Variants in FBXL17 observed in about 807,000 individuals in gnomAD.
FBXL17 encodes the protein F-box/LRR-repeat protein 17.
FBXL17 carries 22 observed loss-of-function variants against 66.2 expected under a neutral mutation model. That is an observed-to-expected ratio of 0.33 (90% confidence interval 0.24 to 0.47). FBXL17 has a LOEUF of 0.47. Ranked by LOEUF, FBXL17 falls within the 20% of genes least tolerant of loss-of-function variation. The pLI, the probability that FBXL17 is intolerant of heterozygous loss-of-function variation, is 1.00. For synonymous variants in FBXL17, 474 were observed against 400.5 expected (o/e 1.18, Z -2.19); for missense variants, 878 against 948.2 (o/e 0.93, Z 0.97).
chr5:107,944,688 C>T, intron 7 of FBXL17, among the ~76,000 whole-genome samples: 1 of 152,136 alleles, frequency 6.6e-6, no homozygotes. Context: ...GAGACTGCCA[C>T]ATGTTCTGGA....
intron 7 of FBXL17, among the ~76,000 whole-genome samples, chr5:107,906,761 G>T (rs1476650856): frequency 6.6e-6 from 1 of 152,136 alleles, no homozygotes; most frequent in East Asian, 1.9e-4. Context: ...GTAAACTAAA[G>T]TAACCAAAGA....
intron 7 of FBXL17, among the ~76,000 whole-genome samples, chr5:107,939,159 T>C (rs761786287): frequency 1.3e-5 from 2 of 152,182 alleles, no homozygotes; most frequent in African/African-American, 2.4e-5. Flanking sequence ...ACTGAATACA[T>C]ATGATGTGCC....
intron 7 of FBXL17, among the ~76,000 whole-genome samples, chr5:107,882,572 C>T (rs1194527994): frequency 6.6e-6 from 1 of 152,028 alleles, no homozygotes; most frequent in African/African-American, 2.4e-5. Context: ...TTAAAGTTTT[C>T]CAAGGGGTTT....
chr5:108,339,417 T>C (rs967322654), intron 4 of FBXL17, among the ~76,000 whole-genome samples: 5 of 152,126 alleles, frequency 3.3e-5, no homozygotes, highest in African/African-American at 1.2e-4. Flanking sequence ...GCCTAATGAC[T>C]CAAGTCTTTA....
intron 4 of FBXL17, among the ~76,000 whole-genome samples, chr5:108,325,888 A>C (rs1339495127): frequency 6.6e-6 from 1 of 152,208 alleles, no homozygotes; most frequent in Non-Finnish European, 1.5e-5. Flanking sequence ...AGCAATAGCT[A>C]ACATTTTCTA....
rs1333923091 is a variant in FBXL17 at position 107,930,991 on chromosome 5, CAT to C, written c.1823-49814_1823-49813del. 9.7e-5 allele frequency among the ~76,000 whole-genome samples: 3 copies of C among 30,804 alleles called. No homozygotes were observed. The East Asian group carries it at 1.1e-3, about 12-fold the overall frequency. 20.2% of individuals were successfully genotyped at this position (30,804 alleles called of 152,430 possible). A position where few individuals can be genotyped will look rare whatever the true frequency, so the allele number is the denominator to read the frequency against. ...GTACTGGATAAAAAGTAAATAAAGA[CAT>C]TTTTTTCCCTGGGGCTATGTATACA... On this transcript the variant is annotated intron_variant, in intron 7 of 8. Coordinates refer to ENST00000542267, the MANE Select transcript of FBXL17 (RefSeq NM_001163315.3).
At chr5:108,091,764 T>C (rs1749195775) in intron 6 of FBXL17, among the ~76,000 whole-genome samples, 2 of 152,344 alleles carry the variant, frequency 1.3e-5, no homozygotes, top group African/African-American at 2.4e-5. Context: ...AAGTGAATTT[T>C]TAACTTAATT....
At chr5:107,985,571 T>C (rs574595850) in intron 7 of FBXL17, among the ~76,000 whole-genome samples, 2 of 152,296 alleles carry the variant, frequency 1.3e-5, no homozygotes, top group South Asian at 4.1e-4. Context: ...GTTTACTTCA[T>C]TTTTTTCTAC....
intron 4 of FBXL17, among the ~76,000 whole-genome samples, chr5:108,269,295 G>A (rs555441131): frequency 6.6e-6 from 1 of 152,088 alleles, no homozygotes; most frequent in Admixed American, 6.5e-5. Flanking sequence ...CGTATTTTGA[G>A]GTGGCATGCT....
intron 4 of FBXL17, among the ~76,000 whole-genome samples, chr5:108,262,079 T>C (rs1200342744): frequency 8.4e-6 from 1 of 119,080 alleles, no homozygotes; most frequent in Admixed American, 8.5e-5. Flanking sequence ...TATTTATTTA[T>C]TTATTTATTT....
intron 6 of FBXL17, among the ~76,000 whole-genome samples, chr5:108,152,802 T>C (rs1355242293): frequency 6.6e-6 from 1 of 152,148 alleles, no homozygotes; most frequent in African/African-American, 2.4e-5. Flanking sequence ...AATGCAAACA[T>C]TGCATGAGAT....
intron 4 of FBXL17, among the ~76,000 whole-genome samples, chr5:108,225,464 A>G (rs1046117042): frequency 1.3e-5 from 2 of 152,196 alleles, no homozygotes; most frequent in Admixed American, 6.5e-5. Flanking sequence ...CCAATTCAAT[A>G]TAACTGGCGG....
intron 6 of FBXL17, 54 bp from the exon 7 acceptor site, chr5:108,021,055 G>A (rs1754579850): frequency 2.3e-6 from 3 of 1,288,426 alleles, no homozygotes; most frequent in African/African-American, 1.5e-5. Context: ...AATTAGCAGG[G>A]GTTTGAATAT....
chr5:108,059,071 G>A lies in FBXL17; in HGVS notation c.1746-38070C>T, dbSNP rs565988326. Among the ~76,000 whole-genome samples the A allele has an allele frequency of 1.6e-3, 241 of 152,218 alleles. 1 individual carries two copies. The highest frequency in any genetic ancestry group is 5.4e-3 in the African/African-American group (225 of 41,534). On this transcript the variant is annotated intron_variant, in intron 6 of 8. Transcript: ENST00000542267. ...CTCTGAGCAGTATTGCGGAACAAAG[G>A]CTCGTTTCACTTGGTATTTACTGTT...
chr5:107,875,093 TTCTC>T lies in FBXL17; in HGVS notation c.1965+5940_1965+5943del, dbSNP rs371602965. Among the ~76,000 whole-genome samples, 286 of 150,338 alleles carry T rather than the reference TTCTC, an allele frequency of 1.9e-3. 1 individual carries two copies. The highest frequency in any genetic ancestry group is 6.8e-3 in the Middle Eastern group (2 of 294). On this transcript the variant is annotated intron_variant, in intron 8 of 8. Transcript: ENST00000542267. ...GGATAGAATGTTTTCTTTTCTTTCT[TTCTC>T]TCTCTCTCTCTTTTTTTTTTTTTAC...
intron 6 of FBXL17, among the ~76,000 whole-genome samples, chr5:108,038,370 G>T (rs1490744425): frequency 6.6e-6 from 1 of 151,878 alleles, no homozygotes; most frequent in Non-Finnish European, 1.5e-5. Flanking sequence ...ATTTTTTTGA[G>T]ATTTATGTTA....
At chr5:108,306,293 T>C (rs1455273407) in intron 4 of FBXL17, among the ~76,000 whole-genome samples, 2 of 152,088 alleles carry the variant, frequency 1.3e-5, no homozygotes, top group Admixed American at 6.6e-5. Flanking sequence ...CGCTGGTGAT[T>C]ATGCATTTAA....
intron 6 of FBXL17, among the ~76,000 whole-genome samples, chr5:108,090,153 A>C (rs1749135468): frequency 6.6e-6 from 1 of 152,184 alleles, no homozygotes; most frequent in African/African-American, 2.4e-5. Flanking sequence ...TAATAAGCTT[A>C]ATCATAACAT....
At chr5:107,954,456 T>C (rs896585471) in intron 7 of FBXL17, among the ~76,000 whole-genome samples, 4 of 152,242 alleles carry the variant, frequency 2.6e-5, no homozygotes, top group African/African-American at 9.6e-5. Context: ...AGTGGGCCTG[T>C]AGGCCATGGA....
Sources: allele counts gnomAD v4.1 joint callset (sites outside exome capture counted in the v4.1 genomes callset), GRCh38; gene constraint gnomAD v4.1.1; transcripts MANE v1.5; gene names NCBI Gene and HGNC (gene_info 2026-07-23, HGNC 2026-07-21).